The following GRM8 variants were observed in gnomAD, a reference collection of about 807,000 sequenced individuals.
GRM8 encodes metabotropic glutamate receptor 8.
In GRM8, 47 loss-of-function variants were observed where a neutral mutation model predicts 87.2. The ratio of observed to expected loss-of-function variants is 0.54; its 90% CI spans 0.43 to 0.69. GRM8 has a LOEUF of 0.69. GRM8 is among the 30% of genes least tolerant of loss of function. The pLI is 0.00. For synonymous variants in GRM8, 396 were observed against 404.5 expected, an observed-to-expected ratio of 0.98 and a Z score of 0.25; for missense variants, 1,019 against 1,139.2, an observed-to-expected ratio of 0.89 and a Z score of 1.52.
At chr7:126,762,744 T>C (rs1039281784) in intron 7 of GRM8, among the ~76,000 whole-genome samples, 1 of 151,946 alleles carries the variant, frequency 6.6e-6, no homozygotes, top group African/African-American at 2.4e-5. Flanking sequence ...AAATTGTGAT[T>C]TGTTTTTTTC....
At chr7:127,066,060 C>CT (rs3216294) in intron 3 of GRM8, among the ~76,000 whole-genome samples, 113,883 of 152,032 alleles carry the variant, frequency 0.75, 43,929 homozygotes, top group African/African-American at 0.9. Flanking sequence ...AATTTGATGA[C>CT]TTTTTTCCCA....
At chr7:126,480,900 AC>A (rs1806592443) in intron 9 of GRM8, among the ~76,000 whole-genome samples, 1 of 152,046 alleles carries the variant, frequency 6.6e-6, no homozygotes, top group South Asian at 2.1e-4. Context: ...CTTGTAGAAG[AC>A]ATCGATCCCA....
chr7:127,124,362 A>G (rs1827247792), intron 2 of GRM8, among the ~76,000 whole-genome samples: 1 of 152,138 alleles, frequency 6.6e-6, no homozygotes. Flanking sequence ...TTGAATCAGC[A>G]ACTTTAAAAT....
chr7:127,044,925 T>C (rs1818784511), intron 3 of GRM8, among the ~76,000 whole-genome samples: 1 of 152,210 alleles, frequency 6.6e-6, no homozygotes, highest in Admixed American at 6.5e-5. Flanking sequence ...TGACATTTTG[T>C]CATATTTGCT....
chr7:127,141,769 A>G (rs1330315327), intron 2 of GRM8, among the ~76,000 whole-genome samples: 2 of 152,200 alleles, frequency 1.3e-5, no homozygotes, highest in East Asian at 3.9e-4. Context: ...AGAGAACTTT[A>G]TAACAGGTTA....
At chr7:126,572,825 C>A (rs1202349273) in intron 8 of GRM8, among the ~76,000 whole-genome samples, 2 of 151,964 alleles carry the variant, frequency 1.3e-5, no homozygotes, top group African/African-American at 4.8e-5. Flanking sequence ...AAGCAACCAG[C>A]AAAGCTGAAA....
chr7:127,021,280 T>C (rs1049365551), intron 3 of GRM8, among the ~76,000 whole-genome samples: 1 of 148,526 alleles, frequency 6.7e-6, no homozygotes, highest in Non-Finnish European at 1.5e-5. Flanking sequence ...CTCACTACTA[T>C]CCTACACCTC....
intron 2 of GRM8, among the ~76,000 whole-genome samples, chr7:127,170,085 G>C (rs1241451713): frequency 1.3e-5 from 2 of 152,102 alleles, no homozygotes; most frequent in Non-Finnish European, 2.9e-5. Context: ...ACCTACCATA[G>C]ATAGTGACTT....
chr7:126,729,805 T>C (rs939598565), intron 7 of GRM8, among the ~76,000 whole-genome samples: 20 of 152,148 alleles, frequency 1.3e-4, no homozygotes, highest in African/African-American at 4.8e-4. Flanking sequence ...TTTGTAAGAA[T>C]AAGTAAATGT....
intron 2 of GRM8, among the ~76,000 whole-genome samples, chr7:127,111,413 T>C (rs533604305): frequency 1.3e-5 from 2 of 152,332 alleles, no homozygotes; most frequent in East Asian, 3.9e-4. Context: ...AGTTTTTACC[T>C]AACCACCCAG....
At chr7:127,212,355 C>G (rs1173323513) in intron 2 of GRM8, among the ~76,000 whole-genome samples, 1 of 150,166 alleles carries the variant, frequency 6.7e-6, no homozygotes, top group Admixed American at 6.6e-5. Flanking sequence ...GGTATTTGAT[C>G]TACAGCCTGA....
At chr7:126,624,101 C>G (rs957155123) in intron 7 of GRM8, among the ~76,000 whole-genome samples, 1 of 152,236 alleles carries the variant, frequency 6.6e-6, no homozygotes, top group African/African-American at 2.4e-5. Flanking sequence ...TGCATTCACA[C>G]TGAACAACAA....
intron 9 of GRM8, among the ~76,000 whole-genome samples, chr7:126,476,611 GATAT>G (rs1805937816): frequency 6.6e-6 from 1 of 151,818 alleles, no homozygotes; most frequent in Non-Finnish European, 1.5e-5. Flanking sequence ...TTTCAAAGAG[GATAT>G]ACAAATGACC....
chr7:126,680,494 A>C (rs1035158779), intron 7 of GRM8, among the ~76,000 whole-genome samples: 1 of 152,226 alleles, frequency 6.6e-6, no homozygotes, highest in Admixed American at 6.5e-5. Context: ...CAGTGGAAGA[A>C]GTGCAGTATA....
chr7:126,632,193 C>A (rs765201366), intron 7 of GRM8, among the ~76,000 whole-genome samples: 1 of 152,034 alleles, frequency 6.6e-6, no homozygotes, highest in Non-Finnish European at 1.5e-5. Context: ...AAGAAAAAAA[C>A]AAACAAGTCC....
At chr7:127,023,550 C>G (rs17867252) in intron 3 of GRM8, among the ~76,000 whole-genome samples, 1,685 of 152,184 alleles carry the variant, frequency 0.011, 27 homozygotes, top group African/African-American at 0.037. Context: ...TCTCCAAATA[C>G]TCACAACAGC....
At chr7:127,000,067 A>G (rs973238487) in intron 3 of GRM8, among the ~76,000 whole-genome samples, 5 of 151,946 alleles carry the variant, frequency 3.3e-5, no homozygotes, top group Non-Finnish European at 5.9e-5. Context: ...GCCATAAGAA[A>G]GAATAAGATC....
chr7:126,547,828 T>C (rs1817324403), intron 8 of GRM8, among the ~76,000 whole-genome samples: 1 of 151,986 alleles, frequency 6.6e-6, no homozygotes, highest in Admixed American at 6.6e-5. Flanking sequence ...AGTTTATATC[T>C]TGCAGAAATG....
intron 9 of GRM8, among the ~76,000 whole-genome samples, chr7:126,448,807 T>C (rs763264250): frequency 1.9e-4 from 29 of 151,940 alleles, no homozygotes; most frequent in Non-Finnish European, 4.1e-4. Context: ...ATACTGCTTG[T>C]TCTCACTTAT....
Sources: allele counts gnomAD v4.1 joint callset (sites outside exome capture counted in the v4.1 genomes callset), GRCh38; gene constraint gnomAD v4.1.1; transcripts MANE v1.5; gene names NCBI Gene and HGNC (gene_info 2026-07-23, HGNC 2026-07-21).